ANXA8: variants seen among roughly 807,000 people sequenced by gnomAD.
ANXA8 encodes the protein VAC-beta.
Under a neutral mutation model 26.8 loss-of-function variants are expected in ANXA8, and 9 were observed. That is an observed-to-expected ratio of 0.34 (90% CI 0.20 to 0.59). ANXA8 has a LOEUF of 0.59. ANXA8 is among the 20% of genes least tolerant of loss of function. The probability of loss-of-function intolerance (pLI) is 0.84; values close to 1 mark genes in which losing one functional copy is unlikely to be tolerated. For missense variants in ANXA8, 83 were observed against 238.5 expected (o/e 0.35, Z 4.29); for synonymous variants, 39 against 94.8 (o/e 0.41, Z 3.42).
chr10:47,548,937 C>T, the ANXA8 span, among the ~76,000 whole-genome samples: 13 of 152,406 alleles, frequency 8.5e-5, no homozygotes, highest in East Asian at 2.5e-3. Context: ...TTGTAGAAAG[C>T]AGTTAGCACA....
At chr10:47,956,632 G>A in the ANXA8 span, among the ~76,000 whole-genome samples, 1,560 of 150,484 alleles carry the variant, frequency 0.01, 2 homozygotes, top group Middle Eastern at 0.028. Flanking sequence ...CCCCACTGGC[G>A]TTCCCAGTCT....
At chr10:47,940,758 G>C in the ANXA8 span, among the ~76,000 whole-genome samples, 1 of 145,332 alleles carries the variant, frequency 6.9e-6, no homozygotes, top group Non-Finnish European at 1.5e-5. Context: ...AATTTGGAGG[G>C]AGGAGGTTGC....
At chr10:47,666,272 G>T in the ANXA8 span, among the ~76,000 whole-genome samples, 1 of 148,328 alleles carries the variant, frequency 6.7e-6, no homozygotes, top group African/African-American at 2.6e-5. Flanking sequence ...GGGTAGACAA[G>T]GTAAGTATTC....
the ANXA8 span, among the ~76,000 whole-genome samples, chr10:47,669,214 T>C: frequency 6.6e-6 from 1 of 151,594 alleles, no homozygotes; most frequent in South Asian, 2.1e-4. Context: ...GAGCGTTTCC[T>C]AAGGAGCTTT....
At chr10:47,498,613 G>A in the ANXA8 span, among the ~76,000 whole-genome samples, 13 of 141,330 alleles carry the variant, frequency 9.2e-5, no homozygotes, top group African/African-American at 2.8e-4. Context: ...ACCCGCAAAG[G>A]CCAAGGAACC....
At chr10:47,515,735 C>G in the ANXA8 span, among the ~76,000 whole-genome samples, 5 of 140,660 alleles carry the variant, frequency 3.6e-5, no homozygotes, top group Non-Finnish European at 7.7e-5. Flanking sequence ...TTTTACTTTC[C>G]AGGCAGAAAA....
the ANXA8 span, among the ~76,000 whole-genome samples, chr10:47,747,180 G>A: frequency 1.3e-5 from 2 of 151,750 alleles, no homozygotes; most frequent in East Asian, 1.9e-4. Flanking sequence ...TTGGGCAGAC[G>A]GCCATAGCTA....
chr10:47,526,784 C>T, the ANXA8 span, among the ~76,000 whole-genome samples: 2 of 144,044 alleles, frequency 1.4e-5, no homozygotes, highest in African/African-American at 5.0e-5. Flanking sequence ...CAGAGTAATG[C>T]TAAGGGCAGT....
the ANXA8 span, among the ~76,000 whole-genome samples, chr10:47,932,855 T>G: frequency 3.4e-5 from 2 of 58,330 alleles, 1 homozygote; most frequent in Admixed American, 3.6e-4. Flanking sequence ...TCTGTAGGAC[T>G]TCCCAGCCTC....
At chr10:47,733,209 CTTTCTTTCTTTCTCTTTCTT>C in the ANXA8 span, among the ~76,000 whole-genome samples, 1 of 63,976 alleles carries the variant, frequency 1.6e-5, no homozygotes, top group African/African-American at 5.2e-5. Flanking sequence ...TTCTTTCTTT[CTTTCTTTCTTTCTCTTTCTT>C]TCTCTCTTTC....
At chr10:47,694,698 C>T in the ANXA8 span, among the ~76,000 whole-genome samples, 61 of 151,960 alleles carry the variant, frequency 4.0e-4, 1 homozygote, top group South Asian at 1.9e-3. Context: ...GGATTACAGG[C>T]GCGAGCCACC....
the ANXA8 span, among the ~76,000 whole-genome samples, chr10:47,546,408 T>C: frequency 1.8e-5 from 2 of 111,476 alleles, no homozygotes; most frequent in Admixed American, 9.3e-5. Flanking sequence ...TTTTTTTTTT[T>C]TTTTTTTTTT....
the ANXA8 span, among the ~76,000 whole-genome samples, chr10:47,650,602 C>G: frequency 1.1e-4 from 16 of 145,740 alleles, no homozygotes; most frequent in Non-Finnish European, 2.3e-4. Context: ...GTCAGGAGAT[C>G]GAGACCATCC....
At chr10:47,597,211 C>A in the ANXA8 span, among the ~76,000 whole-genome samples, 1 of 149,130 alleles carries the variant, frequency 6.7e-6, no homozygotes, top group Non-Finnish European at 1.5e-5. Flanking sequence ...GTCCAACATG[C>A]CTTCATAATT....
the ANXA8 span, among the ~76,000 whole-genome samples, chr10:47,605,768 G>T: frequency 1.3e-5 from 2 of 149,770 alleles, no homozygotes; most frequent in Non-Finnish European, 2.9e-5. Context: ...AAAAGAAGGA[G>T]ATAGATCAAA....
At chr10:47,959,870 A>G in the ANXA8 span, among the ~76,000 whole-genome samples, 3 of 151,528 alleles carry the variant, frequency 2.0e-5, no homozygotes, top group African/African-American at 7.3e-5. Flanking sequence ...AGAGGCTGTC[A>G]GCTTCCACTT....
At chr10:47,646,545 T>TG in the ANXA8 span, among the ~76,000 whole-genome samples, 1 of 151,338 alleles carries the variant, frequency 6.6e-6, no homozygotes, top group Non-Finnish European at 1.5e-5. Context: ...TTTACACTAA[T>TG]GCAGCAGAGT....
chr10:47,657,415 A>G, the ANXA8 span, among the ~76,000 whole-genome samples: 3 of 151,852 alleles, frequency 2.0e-5, no homozygotes, highest in African/African-American at 7.3e-5. Context: ...GGTAGAGAAA[A>G]TGACAGCTGT....
At chr10:47,894,512 A>ACACACAC in the ANXA8 span, among the ~76,000 whole-genome samples, 1 of 147,066 alleles carries the variant, frequency 6.8e-6, no homozygotes, top group Non-Finnish European at 1.5e-5. Flanking sequence ...TACACACGCC[A>ACACACAC]CACACACCAT....
Sources: allele counts gnomAD v4.1 joint callset (sites outside exome capture counted in the v4.1 genomes callset), GRCh38; gene constraint gnomAD v4.1.1; transcripts MANE v1.5; gene names NCBI Gene and HGNC (gene_info 2026-07-23, HGNC 2026-07-21).